The following ARHGEF3 variants were observed in gnomAD, a reference collection of about 807,000 sequenced individuals.
The protein encoded by ARHGEF3 is 59.8 kDA protein.
In ARHGEF3, 28 loss-of-function variants were observed where a neutral mutation model predicts 63.2. The ratio of observed to expected loss-of-function variants is 0.44; its 90% CI spans 0.33 to 0.61. The LOEUF (loss-of-function observed/expected upper bound fraction) is 0.61. ARHGEF3 is among the 20% of genes least tolerant of loss of function. ARHGEF3 has a pLI of 0.03. For missense variants in ARHGEF3, 533 were observed against 659.3 expected (o/e 0.81, Z 2.10); for synonymous variants, 266 against 254.2 (o/e 1.05, Z -0.44).
chr3:56,986,716 G>C (rs925624572), intron 2 of ARHGEF3, among the ~76,000 whole-genome samples: 1 of 151,936 alleles, frequency 6.6e-6, no homozygotes, highest in African/African-American at 2.4e-5. Context: ...CTCGAAGGCA[G>C]TTTCAGGGTA....
At chr3:57,008,968 G>T (rs1702576142) in intron 2 of ARHGEF3, among the ~76,000 whole-genome samples, 1 of 152,216 alleles carries the variant, frequency 6.6e-6, no homozygotes, top group Non-Finnish European at 1.5e-5. Flanking sequence ...TTTACATTAA[G>T]ATTCCAATTT....
chr3:57,079,253 C>G (rs1402441607), exon 1 of ARHGEF3: 2 of 396,804 alleles, frequency 5.0e-6, no homozygotes, highest in Admixed American at 4.4e-5. Context: ...TTCGGCCTCT[C>G]CAGGCTGGAA....
At chr3:56,817,772 G>A (rs541217371) in intron 4 of ARHGEF3, among the ~76,000 whole-genome samples, 1 of 152,304 alleles carries the variant, frequency 6.6e-6, no homozygotes, top group African/African-American at 2.4e-5. Context: ...AACTTACTTA[G>A]TCTGCCAGAA....
chr3:56,850,484 G>A (rs895074702), intron 4 of ARHGEF3, among the ~76,000 whole-genome samples: 1 of 152,212 alleles, frequency 6.6e-6, no homozygotes, highest in African/African-American at 2.4e-5. Flanking sequence ...AGCTGAGATA[G>A]CACCACTGTA....
At chr3:56,898,340 G>T (rs958485604) in intron 3 of ARHGEF3, among the ~76,000 whole-genome samples, 2 of 152,118 alleles carry the variant, frequency 1.3e-5, no homozygotes, top group African/African-American at 4.8e-5. Flanking sequence ...CTCCTGAGTA[G>T]CTGGGATTAC....
intron 3 of ARHGEF3, among the ~76,000 whole-genome samples, chr3:56,896,019 G>A (rs1447689940): frequency 1.3e-5 from 2 of 152,160 alleles, no homozygotes; most frequent in African/African-American, 4.8e-5. Context: ...CAGAGCTGGC[G>A]GCAGCACGAA....
intron 2 of ARHGEF3, among the ~76,000 whole-genome samples, chr3:56,968,051 TAA>T (rs1367457637): frequency 8.2e-4 from 3 of 3,648 alleles, no homozygotes; most frequent in African/African-American, 3.0e-3. Flanking sequence ...AAAATATATA[TAA>T]TATATATAAT....
At chr3:56,996,003 A>G (rs1049772955) in intron 2 of ARHGEF3, among the ~76,000 whole-genome samples, 3 of 152,164 alleles carry the variant, frequency 2.0e-5, no homozygotes, top group Non-Finnish European at 4.4e-5. Context: ...ATTGGAACAC[A>G]AGGTTGGGAG....
intron 2 of ARHGEF3, among the ~76,000 whole-genome samples, chr3:56,759,416 G>A (rs1403654742): frequency 1.3e-5 from 2 of 152,182 alleles, no homozygotes; most frequent in Non-Finnish European, 2.9e-5. Flanking sequence ...TGATCCGCCT[G>A]CCTTGGCCTC....
At chr3:56,956,974 C>T (rs1382765522) in intron 3 of ARHGEF3, among the ~76,000 whole-genome samples, 1 of 152,188 alleles carries the variant, frequency 6.6e-6, no homozygotes, top group Non-Finnish European at 1.5e-5. Flanking sequence ...TCTCCACGTA[C>T]ATCAACACTT....
At chr3:56,885,901 A>C (rs1022324201) in intron 3 of ARHGEF3, among the ~76,000 whole-genome samples, 2 of 152,120 alleles carry the variant, frequency 1.3e-5, no homozygotes, top group African/African-American at 4.8e-5. Context: ...TGAAGTTTAA[A>C]CTCTGGGCTC....
chr3:56,733,281 TAAAA>T (rs535444706), intron 8 of ARHGEF3, among the ~76,000 whole-genome samples: 3 of 87,540 alleles, frequency 3.4e-5, no homozygotes, highest in Non-Finnish European at 6.1e-5. Flanking sequence ...AGACTCCATC[TAAAA>T]AAAAAAAAAA....
At chr3:56,842,925 G>A (rs1259555611) in intron 4 of ARHGEF3, among the ~76,000 whole-genome samples, 2 of 152,054 alleles carry the variant, frequency 1.3e-5, no homozygotes, top group South Asian at 2.1e-4. Flanking sequence ...ACTTTTGACC[G>A]TGGCTAGTCA....
rs66778716 is a variant in ARHGEF3, at chr3:56,995,620, C to CGAGAGAGAGAGA, written c.63-36743_63-36732dup. 9.0e-3 allele frequency among the ~76,000 whole-genome samples: 1,018 copies of CGAGAGAGAGAGA among 113,116 alleles called. 32 individuals are homozygous for CGAGAGAGAGAGA. The highest frequency in any genetic ancestry group is 0.013 in the Admixed American group (137 of 10,776). 74.2% of individuals were successfully genotyped at this position (113,116 alleles called of 152,430 possible). ...AGGGGGCAAAAGAGAGTAAATTTTC[C>CGAGAGAGAGAGA]GAGAGAGAGAGAGAGAGAGAGAGAG... is the stretch of plus-strand genomic sequence containing the variant. On this transcript the variant is annotated intron_variant, in intron 2 of 12. Coordinates refer to the ARHGEF3 transcript ENST00000338458.
chr3:57,071,964 A>G (rs1232651895), intron 1 of ARHGEF3, among the ~76,000 whole-genome samples: 1 of 152,238 alleles, frequency 6.6e-6, no homozygotes, highest in African/African-American at 2.4e-5. Context: ...ATAAAAGACC[A>G]AATATACATT....
chr3:56,737,620 T>C (rs2033719591), intron 7 of ARHGEF3, among the ~76,000 whole-genome samples: 4 of 152,182 alleles, frequency 2.6e-5, no homozygotes, highest in African/African-American at 9.6e-5. Context: ...TATTGATGAA[T>C]AATTTTATCC....
chr3:56,748,166 C>G (rs1368387120), intron 6 of ARHGEF3, among the ~76,000 whole-genome samples: 1 of 152,128 alleles, frequency 6.6e-6, no homozygotes, highest in Admixed American at 6.5e-5. Flanking sequence ...TCTCAAATAG[C>G]TAGGGCTACA....
At chr3:57,073,856 C>T in intron 1 of ARHGEF3, 1 of 1,614,236 alleles carries the variant, frequency 6.2e-7, no homozygotes, top group South Asian at 1.1e-5. Flanking sequence ...TGGCATCATG[C>T]CAGGGTCCAG....
At chr3:56,967,529 T>A (rs1257359390) in intron 2 of ARHGEF3, among the ~76,000 whole-genome samples, 1 of 89,678 alleles carries the variant, frequency 1.1e-5, no homozygotes, top group Non-Finnish European at 1.9e-5. Flanking sequence ...ATATTATATG[T>A]ATAATATATT....
Sources: gnomAD v4.1 joint callset for allele counts (sites outside exome capture counted in the v4.1 genomes callset) on GRCh38, gnomAD v4.1.1 for gene constraint, MANE v1.5 for transcripts, NCBI Gene and HGNC (gene_info 2026-07-23, HGNC 2026-07-21) for gene names.